The following PDE7A variants were observed in gnomAD, a reference collection of about 807,000 sequenced individuals.
The protein encoded by PDE7A is phosphodiesterase 7A.
In PDE7A, 39 loss-of-function variants were observed where a neutral mutation model predicts 64.3. That is an observed-to-expected ratio of 0.61 (90% CI 0.47 to 0.79). PDE7A has a LOEUF of 0.79. Among genes scored for constraint, PDE7A ranks in the 30% least tolerant of loss-of-function variants. The probability of loss-of-function intolerance (pLI) is 0.00; values close to 1 mark genes in which losing one functional copy is unlikely to be tolerated. For missense variants in PDE7A, 470 were observed against 582.8 expected, an observed-to-expected ratio of 0.81 and a Z score of 1.99; for synonymous variants, 203 against 206.8, an observed-to-expected ratio of 0.98 and a Z score of 0.16.
intron 7 of PDE7A, among the ~76,000 whole-genome samples, chr8:65,730,210 C>T (rs1237654769): frequency 1.6e-4 from 14 of 86,644 alleles, no homozygotes; most frequent in East Asian, 7.7e-4. Context: ...GATGGAGTTT[C>T]GCTCTTGTTG....
chr8:65,805,758 G>C (rs184620639), intron 1 of PDE7A, among the ~76,000 whole-genome samples: 154 of 152,192 alleles, frequency 1.0e-3, no homozygotes, highest in African/African-American at 3.4e-3. Context: ...GCTTCTGTTC[G>C]TAAGTCCCTA....
At chr8:65,729,364 C>CTTTTT (rs10540107) in intron 7 of PDE7A, among the ~76,000 whole-genome samples, 7 of 80,072 alleles carry the variant, frequency 8.7e-5, no homozygotes, top group Admixed American at 1.5e-4. Flanking sequence ...TTGGTGGTAG[C>CTTTTT]TTTTTTTTTT....
chr8:65,814,229 C>T (rs972748626), intron 1 of PDE7A, among the ~76,000 whole-genome samples: 3 of 152,076 alleles, frequency 2.0e-5, no homozygotes, highest in Admixed American at 6.5e-5. Context: ...AAAGGACTTT[C>T]GGCCGGGCGC....
intron 4 of PDE7A, 115 bp from the exon 5 acceptor site, chr8:65,745,585 T>C: frequency 1.6e-6 from 1 of 620,480 alleles, no homozygotes; most frequent in Non-Finnish European, 2.8e-6. Flanking sequence ...CTTTAAAAAA[T>C]ACAAGTATCA....
intron 1 of PDE7A, among the ~76,000 whole-genome samples, chr8:65,838,978 A>G (rs1374701462): frequency 6.6e-6 from 1 of 152,232 alleles, no homozygotes; most frequent in African/African-American, 2.4e-5. Context: ...GTTCCAAACC[A>G]AGTTTTGGAT....
At chr8:65,765,455 C>G (rs1808729543) in intron 3 of PDE7A, 1 of 121,942 alleles carries the variant, frequency 8.2e-6, no homozygotes, top group East Asian at 2.8e-4. Flanking sequence ...CGCCACTGCA[C>G]TCCAGCCTGG....
intron 1 of PDE7A, among the ~76,000 whole-genome samples, chr8:65,817,604 G>C (rs1407144312): frequency 6.6e-6 from 1 of 152,094 alleles, no homozygotes; most frequent in African/African-American, 2.4e-5. Context: ...TGACAGGTTT[G>C]ATGAGTACTA....
chr8:65,761,741 C>T (rs1585887445), intron 3 of PDE7A, among the ~76,000 whole-genome samples: 1 of 152,174 alleles, frequency 6.6e-6, no homozygotes, highest in East Asian at 1.9e-4. Flanking sequence ...CTTCTCTAAG[C>T]CAAATCACAA....
At chr8:65,837,654 A>G (rs754665030) in intron 1 of PDE7A, among the ~76,000 whole-genome samples, 3 of 152,248 alleles carry the variant, frequency 2.0e-5, no homozygotes, top group Non-Finnish European at 4.4e-5. Flanking sequence ...GTTGATCTGT[A>G]CTTGTTTGGC....
intron 3 of PDE7A, among the ~76,000 whole-genome samples, chr8:65,759,816 T>G (rs1001028352): frequency 6.6e-6 from 1 of 152,158 alleles, no homozygotes; most frequent in Non-Finnish European, 1.5e-5. Context: ...AGAGCTTAAC[T>G]GTCCAGAAAC....
At chr8:65,771,884 CAAAAAAAA>C (rs36101490) in intron 3 of PDE7A, among the ~76,000 whole-genome samples, 3 of 55,836 alleles carry the variant, frequency 5.4e-5, no homozygotes, top group Non-Finnish European at 1.1e-4. Flanking sequence ...CTCCATCTCT[CAAAAAAAA>C]AAAAAAAAAA....
intron 1 of PDE7A, among the ~76,000 whole-genome samples, chr8:65,818,285 C>T (rs1473734035): frequency 6.6e-6 from 1 of 151,932 alleles, no homozygotes; most frequent in African/African-American, 2.4e-5. Flanking sequence ...TGTTGTTAAA[C>T]CTAGGGATTT....
intron 1 of PDE7A, among the ~76,000 whole-genome samples, chr8:65,826,139 A>G (rs778972576): frequency 2.0e-5 from 3 of 152,220 alleles, no homozygotes; most frequent in African/African-American, 7.2e-5. Flanking sequence ...TGAAAGGCCA[A>G]GAGATTGAAG....
intron 1 of PDE7A, among the ~76,000 whole-genome samples, chr8:65,818,347 C>T (rs928419039): frequency 6.6e-6 from 1 of 151,988 alleles, no homozygotes; most frequent in African/African-American, 2.4e-5. Flanking sequence ...GGTAGTGTTG[C>T]CATTTTGTTT....
At position 65,715,893 on chromosome 8, in the gene PDE7A, CAGG is replaced by C. The variant is rs1467099934; in HGVS notation, c.*3394_*3396del. 6.9e-6 allele frequency among the ~76,000 whole-genome samples: 1 copy of C among 144,106 alleles called. No homozygotes were observed. The highest frequency in any genetic ancestry group is 1.5e-5 in the Non-Finnish European group (1 of 66,868). The allele number at this position is 144,106 out of a possible 152,430, so 94.5% of individuals were successfully genotyped here. On this transcript the variant is annotated 3_prime_UTR_variant, in exon 13 of 13. Transcript: ENST00000401827. ...GTCCCAGCGACCTGGGAGACTGAGG[CAGG>C]AGAATGAGGAGAATGGCGTGAACCC...
At chr8:65,803,867 C>A (rs1026176516) in intron 1 of PDE7A, among the ~76,000 whole-genome samples, 6 of 152,078 alleles carry the variant, frequency 3.9e-5, no homozygotes, top group African/African-American at 1.4e-4. Flanking sequence ...AGTTGGGAAC[C>A]ATAGGACAGA....
chr8:65,820,272 A>C (rs1810508927), intron 1 of PDE7A, among the ~76,000 whole-genome samples: 1 of 152,116 alleles, frequency 6.6e-6, no homozygotes, highest in African/African-American at 2.4e-5. Flanking sequence ...GGCACATGCC[A>C]GTAGTTCCAG....
chr8:65,779,878 T>G (rs1174845784), intron 2 of PDE7A, 75 bp from the exon 3 acceptor site: 5 of 858,528 alleles, frequency 5.8e-6, no homozygotes, highest in Non-Finnish European at 9.5e-6. Flanking sequence ...GCAACAAAGG[T>G]CCGTGTGGTA....
intron 3 of PDE7A, among the ~76,000 whole-genome samples, chr8:65,774,313 G>A (rs1458236200): frequency 8.6e-6 from 1 of 116,624 alleles, no homozygotes; most frequent in African/African-American, 5.6e-5. Flanking sequence ...CATTTATAGT[G>A]AGAATATTAT....
Sources: allele counts gnomAD v4.1 joint callset (sites outside exome capture counted in the v4.1 genomes callset), GRCh38; gene constraint gnomAD v4.1.1; transcripts MANE v1.5; gene names NCBI Gene and HGNC (gene_info 2026-07-23, HGNC 2026-07-21).